The following SUN1 variants were observed in gnomAD, a reference collection of about 807,000 sequenced individuals.
SUN1 encodes the protein Sad1 and UNC84 domain containing 1.
A neutral mutation model predicts 103.2 loss-of-function variants in SUN1; 61 were observed. The observed-to-expected ratio is 0.59, with a 90% CI of 0.48 to 0.73. SUN1 has a LOEUF of 0.73. SUN1 is among the 30% of genes least tolerant of loss of function. The pLI is 0.00. For synonymous variants in SUN1, 490 were observed against 425.7 expected (o/e 1.15, Z -1.86); for missense variants, 1,052 against 1,034.6 (o/e 1.02, Z -0.23).
intron 12 of SUN1, among the ~76,000 whole-genome samples, chr7:857,006 C>T (rs1828098282): frequency 6.6e-6 from 1 of 152,330 alleles, no homozygotes; most frequent in South Asian, 2.1e-4. Context: ...GCATTTTGCT[C>T]CTCACTCAGG....
chr7:855,856 G>A (rs1184541946), intron 11 of SUN1, among the ~76,000 whole-genome samples: 1 of 152,130 alleles, frequency 6.6e-6, no homozygotes, highest in African/African-American at 2.4e-5. Context: ...GGTCCGCGGG[G>A]CGCCTCCTCC....
At chr7:852,546 A>T in intron 7 of SUN1, 63 bp from the exon 8 acceptor site, 1 of 1,604,114 alleles carries the variant, frequency 6.2e-7, no homozygotes. Flanking sequence ...AGAGGGGGAA[A>T]ACAGATTGGT....
At chr7:849,581 C>G in intron 5 of SUN1, 1 of 1,435,956 alleles carries the variant, frequency 7.0e-7, no homozygotes, top group Non-Finnish European at 9.4e-7. Context: ...ATGGCCACCT[C>G]AGTGTAAATG....
intron 1 of SUN1, among the ~76,000 whole-genome samples, chr7:818,955 C>A (rs1262067937): frequency 6.6e-6 from 1 of 152,030 alleles, no homozygotes; most frequent in Non-Finnish European, 1.5e-5. Context: ...CCTCCGCCTC[C>A]CGGGCTCAAG....
intron 1 of SUN1, among the ~76,000 whole-genome samples, chr7:835,286 C>G (rs1184489971): frequency 6.6e-6 from 1 of 152,244 alleles, no homozygotes. Flanking sequence ...GCCTGGCACT[C>G]TCCTCACTGG....
At chr7:832,451 C>G, upstream of SUN1, 1 of 1,464,114 alleles carries the variant, frequency 6.8e-7, no homozygotes, top group Non-Finnish European at 9.4e-7. Flanking sequence ...GACAGGAATG[C>G]GCTCGATTTC....
intron 12 of SUN1, among the ~76,000 whole-genome samples, chr7:857,274 A>G (rs1828433010): frequency 6.6e-6 from 1 of 152,190 alleles, no homozygotes; most frequent in African/African-American, 2.4e-5. Flanking sequence ...GACAGGTGTG[A>G]GAGCTGGAGC....
intron 10 of SUN1, among the ~76,000 whole-genome samples, 164 bp downstream of exon 10, chr7:853,782 G>C (rs1254194680): frequency 6.6e-6 from 1 of 152,222 alleles, no homozygotes; most frequent in Non-Finnish European, 1.5e-5. Context: ...AGAGGGAGTG[G>C]GTTTCCCGTC....
chr7:853,588 C>A lies in SUN1; in HGVS notation c.1233C>A (p.Val411=). The A allele has an allele frequency of 1.2e-6, 2 of 1,606,738 alleles. No individual in the cohort carries two copies. The highest frequency in any genetic ancestry group is 2.2e-5 in the South Asian group (2 of 91,000). The change falls in exon 10 of 19, where the codon GTC becomes GTA. Residue 411 remains valine (V), a synonymous_variant. Transcript: ENST00000401592. ...EGGAAGPSAS[V]RDAVGQPPRE... ...GCGCTGCCGGGCCGTCAGCTTCGGT[C>A]AGAGACGCTGTGGGACAGCCCCCGA...
At chr7:851,607 C>T (rs572003889) in intron 6 of SUN1, 125 bp downstream of exon 6, 20 of 847,580 alleles carry the variant, frequency 2.4e-5, no homozygotes, top group East Asian at 1.1e-4. Context: ...CTTGGCGTAA[C>T]GTGTCTCGTT....
At chr7:864,093 A>G (rs1310227524) in intron 15 of SUN1, among the ~76,000 whole-genome samples, 2 of 152,160 alleles carry the variant, frequency 1.3e-5, no homozygotes, top group Admixed American at 6.5e-5. Context: ...CTAATTATCT[A>G]TTTTTTAATT....
intron 5 of SUN1, chr7:850,027 T>C (rs1370504841): frequency 1.3e-6 from 2 of 1,587,644 alleles, no homozygotes; most frequent in African/African-American, 2.7e-5. Flanking sequence ...CATCTGGGCA[T>C]GTGCAGGTTG....
chr7:846,350 G>A lies in SUN1; in HGVS notation c.658+2830G>A, dbSNP rs186123886. 5.8e-3 allele frequency among the ~76,000 whole-genome samples: 882 copies of A among 152,212 alleles called. 3 individuals are homozygous for A. The highest frequency in any genetic ancestry group is 0.021 in the South Asian group (102 of 4,822). On this transcript the variant is annotated intron_variant, in intron 5 of 18. Coordinates refer to ENST00000401592, the MANE Select transcript of SUN1 (RefSeq NM_001130965.3). Reference sequence around the variant, plus strand: ...TCTTGAACTCCTGACCTTGTGATCCGCCCACCTTGGCCTCCCAAAGTGCTG... The same window carrying A: ...TCTTGAACTCCTGACCTTGTGATCCACCCACCTTGGCCTCCCAAAGTGCTG...
At chr7:861,575 T>A in intron 15 of SUN1, 111 bp downstream of exon 15, 1 of 1,018,294 alleles carries the variant, frequency 9.8e-7, no homozygotes, top group Non-Finnish European at 1.5e-6. Flanking sequence ...CTCCTAACTT[T>A]TAAACATCTG....
rs779198466 is a variant in SUN1 at position 873,228 on chromosome 7, A to T, written c.2255A>T (p.Asp752Val). ...QMFQALKRPD[D>V]TAFQIVELRI... ...CCTTGATTTCAGAAAAGACCCGACG[A>T]CACAGCTTTCCAAATAGTGGAACTT... Residue 752 changes from aspartate (D) to valine (V), a missense_variant, in exon 19 of 19, where the codon GAC becomes GTC. Asp to Val is a radical substitution (Grantham distance 152). Coordinates refer to ENST00000401592, the MANE Select transcript of SUN1 (RefSeq NM_001130965.3). 2 of 1,614,252 alleles carry T rather than the reference A, an allele frequency of 1.2e-6. No individual in the cohort carries two copies. The highest frequency in any genetic ancestry group is 2.2e-5 in the South Asian group (2 of 91,086).
chr7:851,477 C>T lies in SUN1; in HGVS notation c.752C>T (p.Ala251Val). 6.2e-7 allele frequency: 1 copy of T among 1,603,388 alleles called. No individual in the cohort carries two copies. Among genetic ancestry groups the T allele is most frequent in the Non-Finnish European group, 8.5e-7 (1 of 1,174,902 alleles). The change falls in exon 6 of 19, where the codon GCT becomes GTT. Residue 251 changes from alanine (A) to valine (V), a missense_variant. Transcript: ENST00000401592. ...AWSALWLAVV[A>V]PGKAASGVFW... ...TCGGCCCTTTGGCTGGCCGTGGTTG[C>T]TCCAGGTGGCTATTTTGGGTTTCTG...
chr7:827,658 A>G (rs1793772628), upstream of SUN1, among the ~76,000 whole-genome samples: 2 of 151,076 alleles, frequency 1.3e-5, no homozygotes, highest in South Asian at 4.2e-4. Flanking sequence ...TTTAGTAGAG[A>G]TGGGGTTTCA....
intron 2 of SUN1, among the ~76,000 whole-genome samples, chr7:840,476 C>T (rs902977689): frequency 6.6e-6 from 1 of 152,214 alleles, no homozygotes; most frequent in Non-Finnish European, 1.5e-5. Context: ...GTCACTGCTG[C>T]CTTTGGCCTC....
chr7:852,713 C>T, intron 8 of SUN1, 46 bp downstream of exon 8: 1 of 1,614,118 alleles, frequency 6.2e-7, no homozygotes. Context: ...AAGCGGTACA[C>T]ACATATGTGT....
Sources: gnomAD v4.1 joint callset for allele counts (sites outside exome capture counted in the v4.1 genomes callset) on GRCh38, gnomAD v4.1.1 for gene constraint, MANE v1.5 for transcripts, NCBI Gene and HGNC (gene_info 2026-07-23, HGNC 2026-07-21) for gene names.